ANKRD29: variants seen among roughly 807,000 people sequenced by gnomAD.
The protein encoded by ANKRD29 is ankyrin repeat domain 29, also known as ankyrin repeat domain-containing protein 29.
A neutral mutation model predicts 38.0 loss-of-function variants in ANKRD29; 32 were observed. That is an observed-to-expected ratio of 0.84 (90% CI 0.64 to 1.13). The LOEUF is 1.13. Among genes scored for constraint, ANKRD29 ranks in the 50% most tolerant of loss-of-function variants. The probability of loss-of-function intolerance (pLI) is 0.00; values close to 1 mark genes in which losing one functional copy is unlikely to be tolerated. For synonymous variants in ANKRD29, 135 were observed against 152.4 expected, an observed-to-expected ratio of 0.89 and a Z score of 0.84; for missense variants, 357 against 377.9, an observed-to-expected ratio of 0.94 and a Z score of 0.46.
In ANKRD29 at chr18:23,600,028, T is replaced by C. The variant is rs547555594; in HGVS notation, c.*1198A>G. ...TAAAGATGTGTTTAAATAGCAGAAA[T>C]ACCATTGCGTTTATTTTGGTAGATT... On this transcript the variant is annotated 3_prime_UTR_variant, in exon 10 of 10. Transcript: ENST00000592179. 2 of 152,324 alleles carry C rather than the reference T, an allele frequency of 1.3e-5. No homozygotes were observed. Among genetic ancestry groups the C allele is most frequent in the East Asian group, 1.9e-4 (1 of 5,188 alleles). 9.4% of individuals were successfully genotyped at this position (152,324 alleles called of 1,614,324 possible). A position where few individuals can be genotyped will look rare whatever the true frequency, so the allele number is the denominator to read the frequency against.
chr18:23,646,273 G>GA lies in ANKRD29; in HGVS notation c.146dup (p.Leu50ProfsTer43). 6.2e-7 allele frequency: 1 copy of GA among 1,613,968 alleles called. No individual in the cohort carries two copies. The highest frequency in any genetic ancestry group is 2.2e-5 in the East Asian group (1 of 44,896). ...GGCCAGCGTAGGCAGCAACCATCAG[G>GA]AGTGTGGTGCCATGCTGGATGGAGG... is the stretch of plus-strand genomic sequence containing the variant. On this transcript the variant is annotated frameshift_variant, in exon 3 of 10. Transcript: ENST00000592179. LOFTEE classifies it high-confidence loss of function.
At chr18:23,641,150 A>G (rs907566276) in intron 3 of ANKRD29, among the ~76,000 whole-genome samples, 2 of 152,182 alleles carry the variant, frequency 1.3e-5, no homozygotes, top group South Asian at 4.1e-4. Context: ...CTGGAGCAGC[A>G]GCTGCGAAGA....
intron 6 of ANKRD29, among the ~76,000 whole-genome samples, chr18:23,620,515 T>C (rs1256282843): frequency 1.3e-5 from 2 of 152,034 alleles, no homozygotes; most frequent in Non-Finnish European, 2.9e-5. Context: ...TTCCAATGTG[T>C]GAAGGAGCTA....
At chr18:23,630,424 TCAAAAAACAAAAAATCAAAAAA>T (rs1278951298) in intron 5 of ANKRD29, among the ~76,000 whole-genome samples, 1 of 97,946 alleles carries the variant, frequency 1.0e-5, no homozygotes, top group East Asian at 2.4e-4. Flanking sequence ...AAACTCCTCC[TCAAAAAACAAAAAATCAAAAAA>T]CAAAAAACAA....
At chr18:23,645,003 G>A (rs2060120487) in intron 3 of ANKRD29, among the ~76,000 whole-genome samples, 1 of 152,212 alleles carries the variant, frequency 6.6e-6, no homozygotes, top group African/African-American at 2.4e-5. Context: ...GTCCAGGCTG[G>A]AAGAATGAGA....
chr18:23,603,726 C>T (rs1324145281), intron 9 of ANKRD29, among the ~76,000 whole-genome samples: 2 of 152,118 alleles, frequency 1.3e-5, no homozygotes, highest in East Asian at 3.8e-4. Context: ...CTTGTTCTTT[C>T]AAGTAAAAAT....
intron 9 of ANKRD29, among the ~76,000 whole-genome samples, chr18:23,603,285 TATC>T (rs2059535583): frequency 6.6e-6 from 1 of 152,268 alleles, no homozygotes; most frequent in South Asian, 2.1e-4. Flanking sequence ...ATTTGGAAAA[TATC>T]AGTTCACTGA....
chr18:23,612,083 A>G lies in ANKRD29; in HGVS notation c.822+9T>C. 6.2e-7 allele frequency: 1 copy of G among 1,612,678 alleles called. No individual in the cohort carries two copies. The highest frequency in any genetic ancestry group is 1.3e-5 in the African/African-American group (1 of 74,994). On this transcript the variant is annotated intron_variant, in intron 9 of 9. Coordinates refer to ENST00000592179, the MANE Select transcript of ANKRD29 (RefSeq NM_173505.4). ...GCCCAAACGAGTTAAAAGATTGCTT[A>G]GTGGGTACCTTGTTTCTCAGGGATG...
In ANKRD29 at chr18:23,601,078, C is replaced by A. The variant is rs994337921; in HGVS notation, c.*148G>T. On this transcript the variant is annotated 3_prime_UTR_variant, in exon 10 of 10. Transcript: ENST00000592179. ...TTGGTTCTTGACTTCGTGCACAGAG[C>A]GTAGCTCTTCTTTGTCAGGGACCCA... The A allele has an allele frequency of 2.9e-6, 2 of 678,512 alleles. No homozygotes were observed. The highest frequency in any genetic ancestry group is 3.9e-5 in the South Asian group (2 of 51,372). 42.0% of individuals were successfully genotyped at this position (678,512 alleles called of 1,614,324 possible). A position where few individuals can be genotyped will look rare whatever the true frequency, so the allele number is the denominator to read the frequency against.
In ANKRD29 at chr18:23,630,191, G is replaced by A. The variant is rs571744982; in HGVS notation, c.430-240C>T. On this transcript the variant is annotated intron_variant, in intron 5 of 9. Transcript: ENST00000592179. ...TGTAATCCTAGCACTTTGGGAGGCCGAGGCAGGTGGATCACCTGACATCCG... is the reference window on the plus strand; with the variant it reads ...TGTAATCCTAGCACTTTGGGAGGCCAAGGCAGGTGGATCACCTGACATCCG... Among the ~76,000 whole-genome samples the A allele has an allele frequency of 4.0e-4, 61 of 152,070 alleles. No individual in the cohort carries two copies. The East Asian group carries it at 5.8e-3, about 14-fold the overall frequency.
intron 1 of ANKRD29, among the ~76,000 whole-genome samples, chr18:23,657,091 C>A (rs2060294520): frequency 6.6e-6 from 1 of 152,234 alleles, no homozygotes; most frequent in Non-Finnish European, 1.5e-5. Context: ...GGTCGTCCCA[C>A]CTTCCCAACC....
intron 7 of ANKRD29, chr18:23,619,268 C>T (rs2059763290): frequency 4.5e-6 from 2 of 448,324 alleles, no homozygotes; most frequent in South Asian, 7.0e-5. Context: ...GCGGGAGGCC[C>T]CCAGGACAGG....
chr18:23,621,577 G>A (rs555172519), intron 6 of ANKRD29, among the ~76,000 whole-genome samples: 4 of 152,156 alleles, frequency 2.6e-5, no homozygotes, highest in Non-Finnish European at 5.9e-5. Flanking sequence ...ATTATCATGA[G>A]CAATTTGTAC....
chr18:23,645,336 G>C (rs60688210), intron 3 of ANKRD29, among the ~76,000 whole-genome samples: 2,405 of 152,304 alleles, frequency 0.016, 54 homozygotes, highest in African/African-American at 0.056. Flanking sequence ...GGCACTTTGG[G>C]AGGCTGATGT....
chr18:23,608,726 A>C (rs1407084520), intron 9 of ANKRD29, among the ~76,000 whole-genome samples: 1 of 152,224 alleles, frequency 6.6e-6, no homozygotes, highest in East Asian at 1.9e-4. Context: ...AATTCAGCTC[A>C]TGGTTTGACT....
rs775212623 is a variant in ANKRD29, at chr18:23,619,591, G to A, written c.567C>T (p.Gly189=). Reference sequence around the variant, plus strand: ...GCATCACCCGCACCACCTCGCTGTGGCCCATCTGGGACGCGATCCACAGGG... The same window carrying A: ...GCATCACCCGCACCACCTCGCTGTGACCCATCTGGGACGCGATCCACAGGG... ...TAPLWIASQM[G]HSEVVRVMLL... The change falls in exon 7 of 10, where the codon GGC becomes GGT. Residue 189 remains glycine (G), a synonymous_variant. Transcript: ENST00000592179. 2 of 1,596,980 alleles carry A rather than the reference G, an allele frequency of 1.3e-6. No homozygotes were observed. The highest frequency in any genetic ancestry group is 1.7e-6 in the Non-Finnish European group (2 of 1,178,878).
intron 9 of ANKRD29, among the ~76,000 whole-genome samples, chr18:23,611,362 C>A (rs1408294377): frequency 1.3e-5 from 2 of 152,134 alleles, no homozygotes; most frequent in African/African-American, 2.4e-5. Context: ...TCTTCCTCGC[C>A]TCCACCAGGA....
Position 23,638,957 on chromosome 18 carries a change from A to T in ANKRD29, c.232-10T>A, listed in dbSNP as rs199721765. ...GGGCAGTTGTACCTGACTGGGAGAG[A>T]GGGAGAGGCTAGTTTTAAAAGACAT... On this transcript the variant is annotated splice_polypyrimidine_tract_variant and intron_variant, in intron 3 of 9. Coordinates refer to ENST00000592179, the MANE Select transcript of ANKRD29 (RefSeq NM_173505.4). 6 of 1,579,098 alleles carry T rather than the reference A, an allele frequency of 3.8e-6. No individual in the cohort carries two copies. Among genetic ancestry groups the T allele is most frequent in the Middle Eastern group, 1.7e-4 (1 of 5,948 alleles).
chr18:23,640,112 G>T (rs1464772325), intron 3 of ANKRD29, among the ~76,000 whole-genome samples: 8 of 151,680 alleles, frequency 5.3e-5, no homozygotes, highest in Non-Finnish European at 5.9e-5. Flanking sequence ...ATTTTTTTTT[G>T]AAGTGAGGCA....
Sources: gnomAD v4.1 joint callset for allele counts (sites outside exome capture counted in the v4.1 genomes callset) on GRCh38, gnomAD v4.1.1 for gene constraint, MANE v1.5 for transcripts, NCBI Gene and HGNC (gene_info 2026-07-23, HGNC 2026-07-21) for gene names.